Variants in ARHGEF2 observed in about 807,000 individuals in gnomAD.
ARHGEF2 encodes rho guanine nucleotide exchange factor 2.
ARHGEF2 carries 22 observed loss-of-function variants against 121.0 expected under a neutral mutation model. The ratio of observed to expected loss-of-function variants is 0.18; its 90% CI spans 0.13 to 0.26. The LOEUF is 0.26. Among genes scored for constraint, ARHGEF2 ranks in the 10% least tolerant of loss-of-function variants. The pLI is 1.00. For synonymous variants in ARHGEF2, 487 were observed against 530.0 expected (o/e 0.92, Z 1.11); for missense variants, 907 against 1,336.0 (o/e 0.68, Z 5.01).
intron 21 of ARHGEF2, among the ~76,000 whole-genome samples, chr1:155,949,491 A>G (rs1243280305): frequency 2.0e-5 from 3 of 151,886 alleles, no homozygotes; most frequent in African/African-American, 7.3e-5. Flanking sequence ...GAGGCAGGAG[A>G]ATCACTTGGA....
At chr1:155,969,947 A>C in intron 1 of ARHGEF2, 1 of 985,344 alleles carries the variant, frequency 1.0e-6, no homozygotes, top group Non-Finnish European at 1.2e-6. Flanking sequence ...CCTGTCTGGG[A>C]GGCAGCATGT....
chr1:155,976,751 A>C (rs1036858678), intron 1 of ARHGEF2, among the ~76,000 whole-genome samples: 1 of 151,552 alleles, frequency 6.6e-6, no homozygotes, highest in African/African-American at 2.4e-5. Flanking sequence ...TCTCAGCTCA[A>C]ACGGTTGAAA....
rs561536063 is a variant in ARHGEF2 at position 155,965,319 on chromosome 1, T to C, written c.564A>G (p.Glu188=). The change falls in exon 6 of 22, where the codon GAA becomes GAG. Residue 188 remains glutamate, a synonymous_variant. Coordinates refer to ENST00000361247, the MANE Select transcript of ARHGEF2 (RefSeq NM_001162383.2). The surrounding 1 kb of genome is among the most constrained non-coding windows in gnomAD (Gnocchi z 6.0). ...LNMRNRTLSV[E]SLIDEAEVIY... is the part of the protein sequence containing the mutation. ...CCTGCTCACCTTCGTCAATGAGGGA[T>C]TCCACGGATAGGGTTCGGTTCCGCA... is the stretch of plus-strand genomic sequence containing the variant. The C allele has an allele frequency of 4.3e-6, 7 of 1,614,142 alleles. No homozygotes were observed. The East Asian group carries it at 1.3e-4, about 31-fold the overall frequency.
At position 155,951,850 on chromosome 1, in the gene ARHGEF2, T is replaced by G; in HGVS notation, c.2172+69A>C. 1 of 1,613,144 alleles carries G rather than the reference T, an allele frequency of 6.2e-7. No homozygotes were observed. The highest frequency in any genetic ancestry group is 8.5e-7 in the Non-Finnish European group (1 of 1,179,760). On this transcript the variant is annotated intron_variant, in intron 17 of 21. Transcript: ENST00000361247. This position sits in a 1 kb window ranked among gnomAD's most constrained non-coding sequence, Gnocchi z 5.1. ...GTGCCTGCCCCTGACAGCTTTGTGT[T>G]GAGGATCCAGAGGCTGGCTGTCCCT...
chr1:155,962,906 T>C lies in ARHGEF2; in HGVS notation c.975+27A>G. On this transcript the variant is annotated intron_variant, in intron 8 of 21. Transcript: ENST00000361247. This position sits in a 1 kb window ranked among gnomAD's most constrained non-coding sequence, Gnocchi z 5.8. ...CCAGTCACACCTCCTTCCATGAATG[T>C]CACCCAGGGGTCCTGCCTTTTCCCA... 6.2e-7 allele frequency: 1 copy of C among 1,612,890 alleles called. No homozygotes were observed. The highest frequency in any genetic ancestry group is 1.3e-5 in the African/African-American group (1 of 75,038).
Position 155,961,692 on chromosome 1 carries a change from C to G in ARHGEF2, c.1437G>C (p.Leu479=). 1 of 1,613,616 alleles carries G rather than the reference C, an allele frequency of 6.2e-7. No homozygotes were observed. The highest frequency in any genetic ancestry group is 8.5e-7 in the Non-Finnish European group (1 of 1,180,022). ...AGCGCCCCGTCGCTGTCTTCCAGAG[C>G]AGGCAGCCATCGTGGATGAGTTTGC... ...LRRKLIHDGC[L]LWKTATGRFK... Residue 479 remains leucine (L), a synonymous_variant, in exon 11 of 22, where the codon CTG becomes CTC. Transcript: ENST00000361247. This position sits in a 1 kb window ranked among gnomAD's most constrained non-coding sequence, Gnocchi z 4.7.
Position 155,952,773 on chromosome 1 carries a change from C to A in ARHGEF2, c.1839G>T (p.Gly613=). The A allele has an allele frequency of 6.2e-7, 1 of 1,614,192 alleles. No homozygotes were observed. Among genetic ancestry groups the A allele is most frequent in the Non-Finnish European group, 8.5e-7 (1 of 1,180,036 alleles). ...GGAAATGGGTCATCTCAGCAAACAGCCCGACCTTCTCTCGCAGCAGCTCCA... is the reference window on the plus strand; with the variant it reads ...GGAAATGGGTCATCTCAGCAAACAGACCGACCTTCTCTCGCAGCAGCTCCA... ...ALVELLREKV[G]LFAEMTHFQA... Residue 613 remains glycine (G), a synonymous_variant, in exon 15 of 22, where the codon GGG becomes GGT. Transcript: ENST00000361247.
intron 7 of ARHGEF2, among the ~76,000 whole-genome samples, chr1:155,963,495 A>G (rs1246227357): frequency 6.7e-6 from 1 of 150,304 alleles, no homozygotes; most frequent in East Asian, 2.0e-4. Context: ...ACAGGCACGC[A>G]CCACCAGGCC....
At position 155,951,085 on chromosome 1, in the gene ARHGEF2, T is replaced by C; in HGVS notation, c.2447A>G (p.Glu816Gly). The C allele has an allele frequency of 6.2e-7, 1 of 1,601,800 alleles. No homozygotes were observed. The highest frequency in any genetic ancestry group is 8.5e-7 in the Non-Finnish European group (1 of 1,176,050). Residue 816 changes from glutamate (E) to glycine (G), a missense_variant, in exon 20 of 22, where the codon GAG (glutamate) becomes GGG (glycine). Physicochemically the swap from Glu to Gly is moderately conservative, Grantham distance 98. Around this residue, in one of 2 missense-constraint regions of ARHGEF2, gnomAD observed 432 missense variants for 559.5 expected, o/e 0.77. Coordinates refer to ENST00000361247, the MANE Select transcript of ARHGEF2 (RefSeq NM_001162383.2). The surrounding 1 kb of genome is among the most constrained non-coding windows in gnomAD (Gnocchi z 5.1). ...TAGCCGCCGGCAGCGCCGTAGCTCC[T>C]CCTGCAGCAGCGCATGTTGCCGCTG... ...LLQRQHALLQ[E>G]ELRRCRRLGE...
intron 1 of ARHGEF2, among the ~76,000 whole-genome samples, chr1:155,976,792 GGC>G (rs1440375815): frequency 2.6e-5 from 4 of 151,840 alleles, no homozygotes; most frequent in African/African-American, 9.7e-5. Context: ...CTGGGGCCTG[GGC>G]TGGCGCAGGC....
Position 155,951,077 on chromosome 1 carries a change from G to A in ARHGEF2, c.2455C>T (p.Arg819Trp), listed in dbSNP as rs757478963. 1.3e-5 allele frequency: 21 copies of A among 1,600,368 alleles called. No individual in the cohort carries two copies. Among genetic ancestry groups the A allele is most frequent in the Non-Finnish European group, 1.5e-5 (18 of 1,175,520 alleles). The change falls in exon 20 of 22, where the codon CGG (arginine) becomes TGG (tryptophan). Residue 819 changes from arginine (R) to tryptophan (W), a missense_variant. Coordinates refer to ENST00000361247, the MANE Select transcript of ARHGEF2 (RefSeq NM_001162383.2). The surrounding 1 kb of genome is among the most constrained non-coding windows in gnomAD (Gnocchi z 5.1). ...RQHALLQEEL[R>W]RCRRLGEERA... is the part of the protein sequence containing the mutation. ...TCTTCACCTAGCCGCCGGCAGCGCC[G>A]TAGCTCCTCCTGCAGCAGCGCATGT...
chr1:155,959,295 C>A (rs1186887133), intron 11 of ARHGEF2, among the ~76,000 whole-genome samples: 1 of 152,166 alleles, frequency 6.6e-6, no homozygotes, highest in Admixed American at 6.5e-5. Context: ...GTCGCCTAGG[C>A]TGGAGTGCAG....
intron 2 of ARHGEF2, 34 bp downstream of exon 2, chr1:155,969,122 A>C: frequency 2.5e-6 from 4 of 1,612,194 alleles, no homozygotes; most frequent in Non-Finnish European, 3.4e-6. Flanking sequence ...GTGGGCACCG[A>C]GTCTGGGTGA....
At chr1:155,968,857 C>T (rs1679938354) in intron 2 of ARHGEF2, 1 of 366,920 alleles carries the variant, frequency 2.7e-6, no homozygotes, top group Admixed American at 4.0e-5. Context: ...TCCCCTAACC[C>T]TTAGCAGCTG....
rs954285073 is a variant in ARHGEF2 at position 155,950,176 on chromosome 1, A to C, written c.2887+123T>G. 8.3e-7 allele frequency: 1 copy of C among 1,202,388 alleles called. No homozygotes were observed. The highest frequency in any genetic ancestry group is 1.2e-6 in the Non-Finnish European group (1 of 859,952). 74.5% of individuals were successfully genotyped at this position (1,202,388 alleles called of 1,614,324 possible). A position where few individuals can be genotyped will look rare whatever the true frequency, so the allele number is the denominator to read the frequency against. On this transcript the variant is annotated intron_variant, in intron 21 of 21. Transcript: ENST00000361247. The surrounding 1 kb of genome is among the most constrained non-coding windows in gnomAD (Gnocchi z 5.2). ...CCATTCATCATCAGACAAAACAGGA[A>C]GTCCCTCCCTAGAGTTACTACAAGC...
intron 14 of ARHGEF2, among the ~76,000 whole-genome samples, chr1:155,953,364 T>G (rs904755733): frequency 6.6e-6 from 1 of 152,128 alleles, no homozygotes; most frequent in Non-Finnish European, 1.5e-5. Flanking sequence ...AGAAGTTTCA[T>G]CTGGGCACAC....
chr1:155,970,078 G>A, intron 1 of ARHGEF2: 1 of 985,402 alleles, frequency 1.0e-6, no homozygotes, highest in Non-Finnish European at 1.2e-6. Flanking sequence ...AATCTCTCCT[G>A]CAGTCTAACT....
In ARHGEF2 at chr1:155,951,577, G is replaced by T. The variant is rs1378926167; in HGVS notation, c.2209-44C>A. 5 of 1,613,792 alleles carry T rather than the reference G, an allele frequency of 3.1e-6. No homozygotes were observed. Among genetic ancestry groups the T allele is most frequent in the Non-Finnish European group, 4.2e-6 (5 of 1,179,720 alleles). ...GGAACAGGGCCCCAGCTTTAGGATG[G>T]GAGAACTGCCCAAAAGTTGAACAAG... On this transcript the variant is annotated intron_variant, in intron 18 of 21. Coordinates refer to ENST00000361247, the MANE Select transcript of ARHGEF2 (RefSeq NM_001162383.2). This position sits in a 1 kb window ranked among gnomAD's most constrained non-coding sequence, Gnocchi z 5.1.
Position 155,952,179 on chromosome 1 carries a change from G to C in ARHGEF2, c.2041C>G (p.Arg681Gly), listed in dbSNP as rs1675616294. The change falls in exon 16 of 22, where the codon CGA becomes GGA. Residue 681 changes from arginine (R) to glycine (G), a missense_variant. Coordinates refer to ENST00000361247, the MANE Select transcript of ARHGEF2 (RefSeq NM_001162383.2). ...GPGVELLLTP[R>G]EPALPLEPDS... is the part of the protein sequence containing the mutation. ...GGTTCCAAGGGCAGGGCTGGCTCTCGGGGTGTCAAGAGCAGTTCCACTCCT... is the reference window on the plus strand; with the variant it reads ...GGTTCCAAGGGCAGGGCTGGCTCTCCGGGTGTCAAGAGCAGTTCCACTCCT... 1 of 1,613,954 alleles carries C rather than the reference G, an allele frequency of 6.2e-7. No individual in the cohort carries two copies. The highest frequency in any genetic ancestry group is 8.5e-7 in the Non-Finnish European group (1 of 1,180,028).
Sources: allele counts gnomAD v4.1 joint callset (sites outside exome capture counted in the v4.1 genomes callset), GRCh38; gene constraint gnomAD v4.1.1; regional missense constraint gnomAD v4.1.1; non-coding constraint Gnocchi (gnomAD v3.1); transcripts MANE v1.5; gene names NCBI Gene and HGNC (gene_info 2026-07-23, HGNC 2026-07-21).